SGMS1: variants seen among roughly 807,000 people sequenced by gnomAD.
SGMS1 encodes the protein sphingomyelin synthase 1.
A neutral mutation model predicts 46.2 loss-of-function variants in SGMS1; 13 were observed. The ratio of observed to expected loss-of-function variants is 0.28; its 90% CI spans 0.18 to 0.45. The LOEUF (loss-of-function observed/expected upper bound fraction) is 0.45. Ranked by LOEUF, SGMS1 falls within the 20% of genes least tolerant of loss-of-function variation. SGMS1 has a pLI of 1.00. For missense variants in SGMS1, 324 were observed against 519.9 expected (o/e 0.62, Z 3.66); for synonymous variants, 203 against 187.8 (o/e 1.08, Z -0.66).
At chr10:50,502,451 A>T (rs1001691891) in intron 3 of SGMS1, among the ~76,000 whole-genome samples, 1 of 152,110 alleles carries the variant, frequency 6.6e-6, no homozygotes, top group Non-Finnish European at 1.5e-5. Flanking sequence ...CTACCTGCCC[A>T]TGGAAGGGAA....
At chr10:50,462,313 C>T (rs923986041) in intron 4 of SGMS1, among the ~76,000 whole-genome samples, 9 of 152,172 alleles carry the variant, frequency 5.9e-5, no homozygotes, top group African/African-American at 2.2e-4. Context: ...AAAAGGGCAC[C>T]ATCTCCTAAT....
At chr10:50,620,000 GTGGAGATGGAGGA>G (rs1176618735) in intron 1 of SGMS1, among the ~76,000 whole-genome samples, 1 of 152,232 alleles carries the variant, frequency 6.6e-6, no homozygotes, top group African/African-American at 2.4e-5. Context: ...GTGTTTATCT[GTGGAGATGGAGGA>G]CTGGGAGAAC....
At chr10:50,451,722 A>G (rs1194146282) in intron 5 of SGMS1, among the ~76,000 whole-genome samples, 1 of 152,180 alleles carries the variant, frequency 6.6e-6, no homozygotes, top group East Asian at 1.9e-4. Flanking sequence ...TGGCACACAT[A>G]TGTGTTACAT....
chr10:50,436,380 C>A (rs1849474057), intron 5 of SGMS1, among the ~76,000 whole-genome samples: 1 of 152,090 alleles, frequency 6.6e-6, no homozygotes, highest in African/African-American at 2.4e-5. Flanking sequence ...GTGCTAACAA[C>A]CAACTTTTTT....
chr10:50,607,742 G>A (rs1437295288), intron 1 of SGMS1, among the ~76,000 whole-genome samples: 3 of 152,144 alleles, frequency 2.0e-5, no homozygotes, highest in African/African-American at 7.2e-5. Context: ...CACAAAGCTG[G>A]GGTTAGGAAA....
rs138740149 is a variant in SGMS1 at position 50,343,527 on chromosome 10, T to G, written c.588A>C (p.Gly196=). The change falls in exon 7 of 11, where the codon GGA becomes GGC. Residue 196 remains glycine, a synonymous_variant. Transcript: ENST00000361781. ...ICEINGMILV[G]LWLIQWLLLK... ...AGAGCAGCCACTGAATTAACCAGAG[T>G]CCTACAAGGATCATGCCATTAATTT... The G allele has an allele frequency of 1.4e-4, 233 of 1,613,296 alleles. 1 individual carries two copies. The highest frequency in any genetic ancestry group is 1.9e-4 in the Non-Finnish European group (223 of 1,179,888).
chr10:50,589,830 T>G (rs1838523597), intron 2 of SGMS1, among the ~76,000 whole-genome samples: 2 of 152,238 alleles, frequency 1.3e-5, no homozygotes, highest in Admixed American at 1.3e-4. Flanking sequence ...ATAACTCAGT[T>G]ACACACTTCA....
intron 3 of SGMS1, among the ~76,000 whole-genome samples, chr10:50,499,624 T>C (rs1837644634): frequency 6.6e-6 from 1 of 152,202 alleles, no homozygotes; most frequent in African/African-American, 2.4e-5. Context: ...AGGCAGGATA[T>C]TCAGGTAGGA....
At chr10:50,578,770 C>T (rs1422410025) in intron 2 of SGMS1, among the ~76,000 whole-genome samples, 2 of 152,104 alleles carry the variant, frequency 1.3e-5, no homozygotes, top group Non-Finnish European at 2.9e-5. Context: ...AGCTTCTCTC[C>T]CTCCTAAAAC....
At chr10:50,590,835 T>C (rs534404791) in intron 1 of SGMS1, 2 of 152,334 alleles carry the variant, frequency 1.3e-5, no homozygotes, top group African/African-American at 4.8e-5. Flanking sequence ...GCTGAAGGTT[T>C]GCCTCAGTTC....
chr10:50,359,430 T>C (rs377749887), intron 6 of SGMS1, among the ~76,000 whole-genome samples: 81 of 152,232 alleles, frequency 5.3e-4, no homozygotes, highest in African/African-American at 1.8e-3. Context: ...AAGAGAGAAT[T>C]TGGGGAGACA....
chr10:50,359,668 A>C (rs924707675), intron 6 of SGMS1, among the ~76,000 whole-genome samples: 26 of 143,744 alleles, frequency 1.8e-4, no homozygotes, highest in African/African-American at 6.1e-4. Context: ...AATCTAAACA[A>C]TCATTCATTA....
At chr10:50,527,287 C>T (rs925367223) in intron 2 of SGMS1, among the ~76,000 whole-genome samples, 4 of 152,240 alleles carry the variant, frequency 2.6e-5, no homozygotes, top group South Asian at 2.1e-4. Flanking sequence ...TTGTTAATCA[C>T]CAACACTTGT....
chr10:50,387,587 C>T (rs1340412439), intron 6 of SGMS1, among the ~76,000 whole-genome samples: 1 of 152,228 alleles, frequency 6.6e-6, no homozygotes, highest in African/African-American at 2.4e-5. Flanking sequence ...TCCATCTTAT[C>T]TTTCAGAGAT....
chr10:50,597,735 G>A (rs574792175), intron 1 of SGMS1, among the ~76,000 whole-genome samples: 15 of 152,240 alleles, frequency 9.9e-5, no homozygotes, highest in African/African-American at 2.6e-4. Flanking sequence ...AGAACTGGCC[G>A]GGCGTGGTGG....
At chr10:50,432,645 T>A (rs1207299284) in intron 6 of SGMS1, among the ~76,000 whole-genome samples, 1 of 152,250 alleles carries the variant, frequency 6.6e-6, no homozygotes, top group Non-Finnish European at 1.5e-5. Context: ...GGCCTATAGA[T>A]TATAAATCAT....
At chr10:50,623,445 G>C (rs12360512) in intron 1 of SGMS1, 65,603 of 346,194 alleles carry the variant, frequency 0.19, 7,011 homozygotes, top group Non-Finnish European at 0.23. Flanking sequence ...CAACTTAGCC[G>C]GGGAGCCCCG....
At chr10:50,496,089 T>C (rs974852202) in intron 3 of SGMS1, among the ~76,000 whole-genome samples, 1 of 152,114 alleles carries the variant, frequency 6.6e-6, no homozygotes, top group African/African-American at 2.4e-5. Flanking sequence ...GCATGACCAA[T>C]GCAGACAGAT....
chr10:50,497,573 G>A (rs975400780), intron 3 of SGMS1, among the ~76,000 whole-genome samples: 13 of 152,052 alleles, frequency 8.5e-5, no homozygotes, highest in Admixed American at 1.3e-4. Flanking sequence ...CAGATGGATC[G>A]CCTGAGTTCA....
Sources: gnomAD v4.1 joint callset for allele counts (sites outside exome capture counted in the v4.1 genomes callset) on GRCh38, gnomAD v4.1.1 for gene constraint, MANE v1.5 for transcripts, NCBI Gene and HGNC (gene_info 2026-07-23, HGNC 2026-07-21) for gene names.